LIMCH1: variants seen among roughly 807,000 people sequenced by gnomAD.
The protein encoded by LIMCH1 is LIM and calponin homology domains 1, also known as LIM and calponin homology domains-containing protein 1.
Under a neutral mutation model 176.5 loss-of-function variants are expected in LIMCH1, and 113 were observed. The observed-to-expected ratio is 0.64, with a 90% CI of 0.55 to 0.75. The LOEUF (loss-of-function observed/expected upper bound fraction) is 0.75. Ranked by LOEUF, LIMCH1 falls within the 30% of genes least tolerant of loss-of-function variation. The probability of loss-of-function intolerance (pLI) is 0.00; values close to 1 mark genes in which losing one functional copy is unlikely to be tolerated. For missense variants in LIMCH1, 1,674 were observed against 1,814.9 expected (o/e 0.92, Z 1.41); for synonymous variants, 619 against 645.9 (o/e 0.96, Z 0.63).
intron 30 of LIMCH1, chr4:41,689,852 T>G: frequency 2.4e-6 from 1 of 417,018 alleles, no homozygotes; most frequent in South Asian, 3.7e-5. Flanking sequence ...CAATTTGTCC[T>G]TACAAAACAG....
chr4:41,638,114 G>T (rs28609344), intron 13 of LIMCH1, among the ~76,000 whole-genome samples: 20,112 of 91,346 alleles, frequency 0.22, 1,569 homozygotes, highest in Admixed American at 0.33. Context: ...TGTTGTTGTT[G>T]TTGTTGTTGT....
At chr4:41,517,366 A>T (rs993388597) in intron 2 of LIMCH1, among the ~76,000 whole-genome samples, 7 of 152,172 alleles carry the variant, frequency 4.6e-5, no homozygotes, top group Non-Finnish European at 1.0e-4. Context: ...TAAGAATGGT[A>T]AGCAGTCTCT....
intron 2 of LIMCH1, among the ~76,000 whole-genome samples, chr4:41,496,180 G>A (rs183728196): frequency 6.6e-6 from 1 of 152,294 alleles, no homozygotes; most frequent in Admixed American, 6.5e-5. Flanking sequence ...GTGGGTCTTT[G>A]GTCCAATTTT....
chr4:41,675,443 G>T (rs188156309), intron 22 of LIMCH1, among the ~76,000 whole-genome samples: 1 of 98,240 alleles, frequency 1.0e-5, no homozygotes, highest in African/African-American at 3.9e-5. Flanking sequence ...CCCATCCCCC[G>T]TCAACTTCCC....
At chr4:41,603,644 T>G (rs2090291752) in intron 2 of LIMCH1, among the ~76,000 whole-genome samples, 1 of 152,208 alleles carries the variant, frequency 6.6e-6, no homozygotes, top group African/African-American at 2.4e-5. Flanking sequence ...AAGCATCGTC[T>G]TTTTATAGCG....
At chr4:41,516,104 C>T (rs748444682) in intron 2 of LIMCH1, among the ~76,000 whole-genome samples, 13 of 152,104 alleles carry the variant, frequency 8.5e-5, no homozygotes, top group East Asian at 1.9e-4. Flanking sequence ...GCAGCTTTCA[C>T]GGTTCATTGA....
chr4:41,466,892 A>G (rs199723139), intron 1 of LIMCH1, among the ~76,000 whole-genome samples: 2 of 151,960 alleles, frequency 1.3e-5, no homozygotes, highest in Non-Finnish European at 2.9e-5. Flanking sequence ...GTCTTGTAAA[A>G]CCGAAACTCT....
intron 1 of LIMCH1, among the ~76,000 whole-genome samples, chr4:41,565,001 C>A (rs2082532318): frequency 6.6e-6 from 1 of 152,202 alleles, no homozygotes; most frequent in African/African-American, 2.4e-5. Flanking sequence ...GTCAATTAAA[C>A]CTCTTTCCTT....
chr4:41,672,682 G>A (rs1199691303), intron 22 of LIMCH1, among the ~76,000 whole-genome samples: 1 of 152,172 alleles, frequency 6.6e-6, no homozygotes, highest in East Asian at 1.9e-4. Context: ...CCTTGCTGCT[G>A]CATGGCATCT....
At chr4:41,603,960 G>A (rs953089456) in intron 3 of LIMCH1, 55 bp downstream of exon 3, 14 of 1,480,634 alleles carry the variant, frequency 9.5e-6, no homozygotes, top group Middle Eastern at 1.8e-4. Context: ...GTAAAATTTA[G>A]CTAATTCAGT....
chr4:41,392,268 A>T (rs2057336632), intron 1 of LIMCH1, among the ~76,000 whole-genome samples: 1 of 152,224 alleles, frequency 6.6e-6, no homozygotes, highest in African/African-American at 2.4e-5. Context: ...TCTGTAAAAT[A>T]GTATTAAGTG....
chr4:41,440,812 G>A (rs1394222271), intron 1 of LIMCH1, among the ~76,000 whole-genome samples: 3 of 152,118 alleles, frequency 2.0e-5, no homozygotes, highest in African/African-American at 7.2e-5. Flanking sequence ...GGGATTATAG[G>A]TATAAGCCAC....
At chr4:41,417,608 C>T (rs2060058319) in intron 1 of LIMCH1, among the ~76,000 whole-genome samples, 1 of 152,086 alleles carries the variant, frequency 6.6e-6, no homozygotes, top group Admixed American at 6.5e-5. Flanking sequence ...GCAATCTCCA[C>T]CTCCTGGGCT....
At chr4:41,502,416 G>A (rs1036118234) in intron 2 of LIMCH1, among the ~76,000 whole-genome samples, 1 of 152,002 alleles carries the variant, frequency 6.6e-6, no homozygotes, top group Non-Finnish European at 1.5e-5. Flanking sequence ...ATTCCTTTGG[G>A]TATATACCCA....
chr4:41,376,324 G>T (rs2054769310), intron 1 of LIMCH1, among the ~76,000 whole-genome samples: 1 of 152,146 alleles, frequency 6.6e-6, no homozygotes, highest in African/African-American at 2.4e-5. Context: ...AAGTGTAGTA[G>T]ATTTGCTAAT....
chr4:41,490,664 C>T (rs1217168939), intron 1 of LIMCH1, among the ~76,000 whole-genome samples: 2 of 152,230 alleles, frequency 1.3e-5, no homozygotes, highest in Admixed American at 6.5e-5. Flanking sequence ...AATGGAGTCT[C>T]CTATGTCTAC....
intron 1 of LIMCH1, among the ~76,000 whole-genome samples, chr4:41,438,343 A>G (rs56225240): frequency 0.021 from 3,130 of 152,002 alleles, 46 homozygotes; most frequent in Non-Finnish European, 0.033. Context: ...GTCTGATTAC[A>G]GTGCTTGTGC....
chr4:41,483,459 AGAGGTAG>A (rs1458268712), intron 1 of LIMCH1, among the ~76,000 whole-genome samples: 1 of 152,208 alleles, frequency 6.6e-6, no homozygotes, highest in Non-Finnish European at 1.5e-5. Context: ...GAATCTCTTT[AGAGGTAG>A]GAAATTGGTG....
chr4:41,621,566 A>G (rs1306602569), intron 7 of LIMCH1, among the ~76,000 whole-genome samples: 3 of 151,386 alleles, frequency 2.0e-5, no homozygotes, highest in Admixed American at 6.6e-5. Context: ...CAGTGGTGCA[A>G]TCTTGGCTCA....
Sources: gnomAD v4.1 joint callset for allele counts (sites outside exome capture counted in the v4.1 genomes callset) on GRCh38, gnomAD v4.1.1 for gene constraint, MANE v1.5 for transcripts, NCBI Gene and HGNC (gene_info 2026-07-23, HGNC 2026-07-21) for gene names.